The following FRMPD2 variants were observed in gnomAD, a reference collection of about 807,000 sequenced individuals.
The protein encoded by FRMPD2 is FERM and PDZ domain-containing protein 2.
Under a neutral mutation model 140.1 loss-of-function variants are expected in FRMPD2, and 96 were observed. That is an observed-to-expected ratio of 0.69 (90% confidence interval 0.58 to 0.81). FRMPD2 has a LOEUF of 0.81. Among genes scored for constraint, FRMPD2 ranks in the 40% least tolerant of loss-of-function variants. The pLI, the probability that FRMPD2 is intolerant of heterozygous loss-of-function variation, is 0.00. For synonymous variants in FRMPD2, 449 were observed against 547.6 expected, an observed-to-expected ratio of 0.82 and a Z score of 2.52; for missense variants, 1,240 against 1,447.4, an observed-to-expected ratio of 0.86 and a Z score of 2.32.
intron 9 of FRMPD2, among the ~76,000 whole-genome samples, chr10:48,236,176 T>C (rs1205267896): frequency 1.3e-5 from 2 of 152,180 alleles, no homozygotes; most frequent in African/African-American, 4.8e-5. Context: ...AAGGACTTTG[T>C]TTCATTCGCA....
At chr10:48,251,300 C>G (rs1030550352) in intron 2 of FRMPD2, among the ~76,000 whole-genome samples, 2 of 152,364 alleles carry the variant, frequency 1.3e-5, no homozygotes, top group Non-Finnish European at 1.5e-5. Context: ...GCTGCAACAC[C>G]AAGGCAGAAG....
At chr10:48,187,682 A>G (rs1838721189) in intron 16 of FRMPD2, among the ~76,000 whole-genome samples, 1 of 152,316 alleles carries the variant, frequency 6.6e-6, no homozygotes, top group Non-Finnish European at 1.5e-5. Context: ...AGTGTCAAAC[A>G]CCAGCACTCT....
At chr10:48,252,925 T>G (rs891078317) in intron 1 of FRMPD2, among the ~76,000 whole-genome samples, 3 of 152,144 alleles carry the variant, frequency 2.0e-5, no homozygotes, top group Admixed American at 6.5e-5. Flanking sequence ...TTTTTTTATC[T>G]CTCCTCTCTC....
At chr10:48,237,486 A>C (rs1259631930) in intron 8 of FRMPD2, among the ~76,000 whole-genome samples, 1 of 152,180 alleles carries the variant, frequency 6.6e-6, no homozygotes, top group Non-Finnish European at 1.5e-5. Context: ...TTTGGAGCTC[A>C]GCTCAGTCAA....
At chr10:48,196,998 A>T (rs970492917) in intron 15 of FRMPD2, among the ~76,000 whole-genome samples, 3 of 152,258 alleles carry the variant, frequency 2.0e-5, no homozygotes, top group African/African-American at 7.2e-5. Flanking sequence ...CAGCAATAGC[A>T]GGTAAGTCAG....
At chr10:48,238,263 T>A in intron 7 of FRMPD2, 140 bp from the exon 8 acceptor site, 1 of 839,320 alleles carries the variant, frequency 1.2e-6, no homozygotes, top group Non-Finnish European at 1.8e-6. Flanking sequence ...TATGGGGGAG[T>A]TATATCCATT....
intron 1 of FRMPD2, among the ~76,000 whole-genome samples, chr10:48,270,785 C>T (rs564573640): frequency 2.0e-5 from 3 of 152,122 alleles, no homozygotes; most frequent in South Asian, 2.1e-4. Context: ...AACATTCAGA[C>T]GACATTTTTG....
intron 4 of FRMPD2, among the ~76,000 whole-genome samples, chr10:48,243,363 G>A (rs1433015502): frequency 2.6e-5 from 4 of 152,240 alleles, no homozygotes; most frequent in Admixed American, 6.5e-5. Flanking sequence ...GAAGGGATCC[G>A]TGTGTACAAA....
At chr10:48,259,982 T>G (rs112981941) in intron 1 of FRMPD2, among the ~76,000 whole-genome samples, 215 of 152,202 alleles carry the variant, frequency 1.4e-3, no homozygotes, top group Non-Finnish European at 2.2e-3. Context: ...CAATAAGATG[T>G]ATAGATATAG....
chr10:48,191,801 G>A (rs1009168889), intron 16 of FRMPD2, among the ~76,000 whole-genome samples: 10 of 152,054 alleles, frequency 6.6e-5, no homozygotes, highest in African/African-American at 1.7e-4. Flanking sequence ...TTTATGAATC[G>A]TTTTGTCATG....
At chr10:48,230,241 T>C (rs1839820286) in intron 10 of FRMPD2, among the ~76,000 whole-genome samples, 1 of 152,214 alleles carries the variant, frequency 6.6e-6, no homozygotes, top group Non-Finnish European at 1.5e-5. Flanking sequence ...ACCAGAATTC[T>C]AAAACTATCC....
intron 10 of FRMPD2, among the ~76,000 whole-genome samples, chr10:48,231,381 C>G (rs1035944317): frequency 6.6e-6 from 1 of 152,190 alleles, no homozygotes; most frequent in Non-Finnish European, 1.5e-5. Context: ...AAGGACAGCT[C>G]GCCACACAAG....
At chr10:48,260,908 C>T (rs1252883699) in intron 1 of FRMPD2, among the ~76,000 whole-genome samples, 2 of 152,030 alleles carry the variant, frequency 1.3e-5, no homozygotes, top group Non-Finnish European at 2.9e-5. Context: ...GGGCAAGATG[C>T]AAGAATAGAT....
rs147351963 is a variant in FRMPD2, at chr10:48,240,505, T to C, written c.568-13A>G. On this transcript the variant is annotated splice_polypyrimidine_tract_variant and intron_variant, in intron 5 of 28. Transcript: ENST00000374201. ...CTCTTTTCTCCACCTGGGGGTCAAG[T>C]GCATCACACATCCACATCCCAAGAT... The C allele has an allele frequency of 1.2e-6, 2 of 1,613,524 alleles. No homozygotes were observed. The highest frequency in any genetic ancestry group is 1.7e-6 in the Non-Finnish European group (2 of 1,179,996).
At chr10:48,227,092 A>G (rs1036846772) in intron 10 of FRMPD2, among the ~76,000 whole-genome samples, 1 of 152,230 alleles carries the variant, frequency 6.6e-6, no homozygotes, top group Non-Finnish European at 1.5e-5. Flanking sequence ...GTGCCTAGCT[A>G]AGAGAAGAAG....
intron 16 of FRMPD2, among the ~76,000 whole-genome samples, chr10:48,187,975 C>T (rs1357636025): frequency 6.6e-6 from 1 of 152,212 alleles, no homozygotes; most frequent in Non-Finnish European, 1.5e-5. Flanking sequence ...GATGTTGCCA[C>T]AGCCCCGGGG....
At chr10:48,160,840 G>A (rs1438005783) in intron 28 of FRMPD2, among the ~76,000 whole-genome samples, 5 of 148,972 alleles carry the variant, frequency 3.4e-5, no homozygotes, top group African/African-American at 1.2e-4. Context: ...CTGTGTCCAG[G>A]GGTCGCTGGG....
At chr10:48,266,555 AT>A (rs1445866723) in intron 1 of FRMPD2, among the ~76,000 whole-genome samples, 20 of 152,388 alleles carry the variant, frequency 1.3e-4, no homozygotes, top group African/African-American at 4.8e-4. Flanking sequence ...CATTTAACTG[AT>A]CTTTGACAAA....
chr10:48,164,131 A>G (rs1838029114), intron 27 of FRMPD2, among the ~76,000 whole-genome samples: 1 of 149,628 alleles, frequency 6.7e-6, no homozygotes, highest in African/African-American at 2.5e-5. Flanking sequence ...TCAACTGCTC[A>G]CCTCCCTGTC....
Sources: allele counts gnomAD v4.1 joint callset (sites outside exome capture counted in the v4.1 genomes callset), GRCh38; gene constraint gnomAD v4.1.1; transcripts MANE v1.5; gene names NCBI Gene and HGNC (gene_info 2026-07-23, HGNC 2026-07-21).